Variants in CCAR1 observed in about 807,000 individuals in gnomAD.
CCAR1 encodes the protein cell division cycle and apoptosis regulator 1.
Under a neutral mutation model 163.8 loss-of-function variants are expected in CCAR1, and 78 were observed. That is an observed-to-expected ratio of 0.48 (90% CI 0.40 to 0.57). The LOEUF is 0.57. CCAR1 is among the 20% of genes least tolerant of loss of function. The pLI is 0.00. For missense variants in CCAR1, 1,019 were observed against 1,365.2 expected (o/e 0.75, Z 4.00); for synonymous variants, 443 against 460.7 (o/e 0.96, Z 0.49).
intron 2 of CCAR1, among the ~76,000 whole-genome samples, chr10:68,723,791 C>T (rs1377096599): frequency 2.7e-5 from 4 of 149,372 alleles, no homozygotes; most frequent in South Asian, 4.2e-4. Flanking sequence ...AAGCTTGCAG[C>T]GAGCTGAGAT....
chr10:68,782,882 T>A (rs1162957), intron 19 of CCAR1, among the ~76,000 whole-genome samples: 14 of 151,904 alleles, frequency 9.2e-5, no homozygotes, highest in South Asian at 6.2e-4. Flanking sequence ...ATATTACTTC[T>A]CACTGACACC....
intron 15 of CCAR1, 177 bp from the exon 16 acceptor site, chr10:68,760,830 C>T (rs928017822): frequency 7.1e-6 from 3 of 421,052 alleles, no homozygotes; most frequent in Non-Finnish European, 1.3e-5. Context: ...CGCCACTGCA[C>T]TCCAGCCTGG....
At chr10:68,727,412 T>A (rs1444310822) in intron 2 of CCAR1, among the ~76,000 whole-genome samples, 7 of 151,982 alleles carry the variant, frequency 4.6e-5, no homozygotes. Context: ...GTGAAAAAAA[T>A]TTGTTTACGT....
At chr10:68,760,804 T>G (rs1399181939) in intron 15 of CCAR1, 1 of 320,568 alleles carries the variant, frequency 3.1e-6, no homozygotes, top group Non-Finnish European at 5.7e-6. Context: ...GCAGAGCTTG[T>G]GGTAAGCCGA....
chr10:68,730,294 T>G (rs1397937207), intron 2 of CCAR1, among the ~76,000 whole-genome samples: 1 of 151,106 alleles, frequency 6.6e-6, no homozygotes, highest in African/African-American at 2.4e-5. Flanking sequence ...ACTGTTTTAG[T>G]CATATGAAAC....
intron 9 of CCAR1, 39 bp downstream of exon 9, chr10:68,749,304 T>C: frequency 6.4e-7 from 1 of 1,557,138 alleles, no homozygotes; most frequent in Non-Finnish European, 8.7e-7. Flanking sequence ...GTGGCAATGG[T>C]TGTACAACAA....
intron 11 of CCAR1, among the ~76,000 whole-genome samples, chr10:68,754,424 A>G (rs549824801): frequency 1.3e-5 from 2 of 152,332 alleles, no homozygotes; most frequent in Non-Finnish European, 2.9e-5. Flanking sequence ...AACATTCAGT[A>G]TATTGTGTAT....
rs1191789483 is a variant in CCAR1 at position 68,756,029 on chromosome 10, A to G, written c.1626-244A>G. Among the ~76,000 whole-genome samples, 1 of 152,184 alleles carries G rather than the reference A, an allele frequency of 6.6e-6. No homozygotes were observed. The highest frequency in any genetic ancestry group is 1.5e-5 in the Non-Finnish European group (1 of 68,040). On this transcript the variant is annotated intron_variant, in intron 13 of 24. Transcript: ENST00000265872. This position sits in a 1 kb window ranked among gnomAD's most constrained non-coding sequence, Gnocchi z 5.1. ...TATCCAGCTTCTTCAGGTATTCTCTAAAATGCGGGTAGCTCTGTAATCAAA... is the reference window on the plus strand; with the variant it reads ...TATCCAGCTTCTTCAGGTATTCTCTGAAATGCGGGTAGCTCTGTAATCAAA...
chr10:68,789,696 A>G lies in CCAR1; in HGVS notation c.3188-14A>G. 1 of 1,487,066 alleles carries G rather than the reference A, an allele frequency of 6.7e-7. No homozygotes were observed. Among genetic ancestry groups the G allele is most frequent in the Admixed American group, 2.3e-5 (1 of 43,706 alleles). 92.1% of individuals were successfully genotyped at this position (1,487,066 alleles called of 1,614,324 possible). ...TAGGAAGTAAAATGTTAATTTTTGG[A>G]TTTTTTTAAACAGATGAAGATGAAA... On this transcript the variant is annotated splice_polypyrimidine_tract_variant and intron_variant, in intron 23 of 24. Coordinates refer to ENST00000265872, the MANE Select transcript of CCAR1 (RefSeq NM_018237.4).
chr10:68,722,694 G>A, intron 2 of CCAR1, 117 bp downstream of exon 2: 1 of 735,392 alleles, frequency 1.4e-6, no homozygotes, highest in Non-Finnish European at 2.3e-6. Flanking sequence ...GGAAGCGGAG[G>A]AGGTGGATCA....
At chr10:68,726,571 T>G (rs747744586) in intron 2 of CCAR1, among the ~76,000 whole-genome samples, 11 of 152,322 alleles carry the variant, frequency 7.2e-5, no homozygotes, top group South Asian at 4.1e-4. Context: ...TTTAGTATTA[T>G]TATTTTAAAT....
Position 68,754,121 on chromosome 10 carries a change from T to C in CCAR1, c.1344+44T>C, listed in dbSNP as rs373602685. On this transcript the variant is annotated intron_variant, in intron 11 of 24. Coordinates refer to ENST00000265872, the MANE Select transcript of CCAR1 (RefSeq NM_018237.4). The stretch of plus-strand genomic sequence containing the variant: ...TATGCAGCTTAAATTTCTTAGCAGT[T>C]ATTCATAATAAAAGGGTATGTAGAA... 1.1e-5 allele frequency: 14 copies of C among 1,324,170 alleles called. No individual in the cohort carries two copies. The African/African-American group carries it at 1.8e-4, about 17-fold the overall frequency. The allele number at this position is 1,324,170 out of a possible 1,614,324, so 82.0% of individuals were successfully genotyped here.
intron 17 of CCAR1, among the ~76,000 whole-genome samples, chr10:68,768,525 C>A (rs2056562654): frequency 6.6e-6 from 1 of 152,118 alleles, no homozygotes. Context: ...GCAGGAGGAT[C>A]TCTTGAACGC....
intron 9 of CCAR1, 29 bp downstream of exon 9, chr10:68,749,294 G>A: frequency 6.3e-7 from 1 of 1,576,884 alleles, no homozygotes; most frequent in Non-Finnish European, 8.6e-7. Flanking sequence ...ACTGTGGATG[G>A]TGGCAATGGT....
intron 2 of CCAR1, among the ~76,000 whole-genome samples, chr10:68,735,362 G>A (rs369044483): frequency 3.5e-5 from 4 of 113,786 alleles, no homozygotes; most frequent in South Asian, 5.6e-4. Context: ...AACACAAACC[G>A]TTTTTGTGCT....
intron 17 of CCAR1, among the ~76,000 whole-genome samples, chr10:68,766,877 T>C (rs910585025): frequency 1.1e-4 from 17 of 152,172 alleles, no homozygotes; most frequent in African/African-American, 4.1e-4. Flanking sequence ...TTTTTTGTTG[T>C]AGTCTACTTC....
intron 17 of CCAR1, among the ~76,000 whole-genome samples, chr10:68,769,661 G>A (rs2056577250): frequency 6.6e-6 from 1 of 152,020 alleles, no homozygotes; most frequent in Non-Finnish European, 1.5e-5. Context: ...TATAATATAG[G>A]CCAGGCGTGG....
At chr10:68,759,585 A>T (rs1035726665) in intron 15 of CCAR1, among the ~76,000 whole-genome samples, 1 of 151,810 alleles carries the variant, frequency 6.6e-6, no homozygotes, top group African/African-American at 2.4e-5. Context: ...TTAGCTGAGC[A>T]TGGTGATGCA....
intron 19 of CCAR1, among the ~76,000 whole-genome samples, chr10:68,778,813 T>G (rs2056699067): frequency 6.6e-6 from 1 of 152,184 alleles, no homozygotes; most frequent in Non-Finnish European, 1.5e-5. Flanking sequence ...TTTCATATTT[T>G]ATATCTCATG....
Sources: allele counts gnomAD v4.1 joint callset (sites outside exome capture counted in the v4.1 genomes callset), GRCh38; gene constraint gnomAD v4.1.1; non-coding constraint Gnocchi (gnomAD v3.1); transcripts MANE v1.5; gene names NCBI Gene and HGNC (gene_info 2026-07-23, HGNC 2026-07-21).